The following NCOA2 variants were observed in gnomAD, a reference collection of about 807,000 sequenced individuals.
The protein encoded by NCOA2 is nuclear receptor coactivator 2.
A neutral mutation model predicts 145.1 loss-of-function variants in NCOA2; 21 were observed. That is an observed-to-expected ratio of 0.14 (90% CI 0.10 to 0.21). NCOA2 has a LOEUF of 0.21. Ranked by LOEUF, NCOA2 falls within the 10% of genes least tolerant of loss-of-function variation. The pLI is 1.00. For synonymous variants in NCOA2, 619 were observed against 637.5 expected, an observed-to-expected ratio of 0.97 and a Z score of 0.44; for missense variants, 1,472 against 1,837.6, an observed-to-expected ratio of 0.80 and a Z score of 3.64.
chr8:70,154,373 G>A (rs974218041), intron 11 of NCOA2, among the ~76,000 whole-genome samples: 3 of 152,174 alleles, frequency 2.0e-5, no homozygotes, highest in African/African-American at 7.2e-5. Context: ...AACGTCTCAT[G>A]CCAAGTCACT....
rs1465135873 is a variant in NCOA2 at position 70,403,740 on chromosome 8, G to C, written c.-117C>G. ...ACGCCGTCAGGTGCCGGCTGCCGTC[G>C]GCGCTGACCTTCGCCGCCGAAGCTG... On this transcript the variant is annotated 5_prime_UTR_variant, in exon 1 of 23. Transcript: ENST00000452400. The C allele has an allele frequency of 2.5e-6, 1 of 397,406 alleles. No homozygotes were observed. The highest frequency in any genetic ancestry group is 4.4e-6 in the Non-Finnish European group (1 of 225,300). 24.6% of individuals were successfully genotyped at this position (397,406 alleles called of 1,614,324 possible). A position where few individuals can be genotyped will look rare whatever the true frequency, so the allele number is the denominator to read the frequency against.
intron 1 of NCOA2, among the ~76,000 whole-genome samples, chr8:70,309,992 CA>C (rs149229051): frequency 0.012 from 1,817 of 151,782 alleles, 50 homozygotes; most frequent in African/African-American, 0.042. Context: ...CGAAACCAAA[CA>C]AAAAATAGCT....
chr8:70,387,762 T>C (rs1263685049), intron 1 of NCOA2, among the ~76,000 whole-genome samples: 4 of 152,100 alleles, frequency 2.6e-5, no homozygotes, highest in Admixed American at 2.0e-4. Context: ...TATGTAACTT[T>C]TGAGGTTAAG....
At chr8:70,153,730 T>C (rs1236098239) in intron 11 of NCOA2, among the ~76,000 whole-genome samples, 2 of 152,224 alleles carry the variant, frequency 1.3e-5, no homozygotes, top group Non-Finnish European at 2.9e-5. Flanking sequence ...CAGGTGTTAA[T>C]ATGGTTTTAC....
intron 1 of NCOA2, among the ~76,000 whole-genome samples, chr8:70,391,052 T>A (rs536798202): frequency 6.6e-6 from 1 of 152,180 alleles, no homozygotes; most frequent in East Asian, 1.9e-4. Context: ...AGGTTAGGTA[T>A]AAAGTAAAGA....
chr8:70,116,317 C>T (rs1004942284), intron 22 of NCOA2, among the ~76,000 whole-genome samples: 2 of 151,998 alleles, frequency 1.3e-5, no homozygotes, highest in Admixed American at 6.6e-5. Context: ...TTCGGGAGGC[C>T]GAGGCAGGCG....
chr8:70,280,816 T>G (rs554305653), intron 2 of NCOA2, among the ~76,000 whole-genome samples: 1 of 152,248 alleles, frequency 6.6e-6, no homozygotes, highest in African/African-American at 2.4e-5. Context: ...AAATCCATTC[T>G]ACCCCTTACT....
At chr8:70,346,097 C>T (rs963354356) in intron 1 of NCOA2, among the ~76,000 whole-genome samples, 1 of 152,204 alleles carries the variant, frequency 6.6e-6, no homozygotes, top group African/African-American at 2.4e-5. Flanking sequence ...ACAAACAGTA[C>T]TTGAATTTCT....
At chr8:70,439,750 T>G in the NCOA2 span, among the ~76,000 whole-genome samples, 2 of 152,286 alleles carry the variant, frequency 1.3e-5, no homozygotes, top group South Asian at 2.1e-4. Context: ...CGGAGGAGGC[T>G]TCTGCTGCTC....
the NCOA2 span, among the ~76,000 whole-genome samples, chr8:70,417,380 C>T: frequency 6.6e-6 from 1 of 151,630 alleles, no homozygotes; most frequent in East Asian, 1.9e-4. Flanking sequence ...GAAACCCCAT[C>T]TCTACTAAAA....
intron 1 of NCOA2, among the ~76,000 whole-genome samples, chr8:70,379,889 G>A (rs187492496): frequency 7.9e-5 from 12 of 152,024 alleles, no homozygotes; most frequent in Middle Eastern, 3.4e-3. Context: ...CAAAAATGAC[G>A]CATGGCTGAT....
At chr8:70,219,172 T>C (rs1418409496) in intron 2 of NCOA2, among the ~76,000 whole-genome samples, 2 of 152,200 alleles carry the variant, frequency 1.3e-5, no homozygotes, top group Non-Finnish European at 2.9e-5. Flanking sequence ...AGTCTAAGTA[T>C]AGTAAAATCA....
chr8:70,314,066 G>C (rs1351819123), intron 1 of NCOA2, among the ~76,000 whole-genome samples: 1 of 150,452 alleles, frequency 6.6e-6, no homozygotes, highest in Non-Finnish European at 1.5e-5. Flanking sequence ...TATAGTCCCA[G>C]CTACTCGGGA....
chr8:70,433,823 G>A, the NCOA2 span, among the ~76,000 whole-genome samples: 17 of 152,170 alleles, frequency 1.1e-4, no homozygotes, highest in African/African-American at 1.7e-4. Flanking sequence ...CTTCTTAAAG[G>A]GGGCACCAGG....
intron 1 of NCOA2, among the ~76,000 whole-genome samples, chr8:70,371,867 G>GT (rs1180456485): frequency 6.6e-6 from 1 of 152,142 alleles, no homozygotes; most frequent in African/African-American, 2.4e-5. Context: ...TTTAAAAACT[G>GT]TAAGTTTTTA....
At chr8:70,449,159 A>C in the NCOA2 span, among the ~76,000 whole-genome samples, 1,242 of 152,292 alleles carry the variant, frequency 8.2e-3, 19 homozygotes, top group African/African-American at 0.028. Flanking sequence ...CAACTTATAC[A>C]TTAAGTGTAA....
chr8:70,298,461 G>A (rs1827243532), intron 1 of NCOA2, among the ~76,000 whole-genome samples: 1 of 152,138 alleles, frequency 6.6e-6, no homozygotes, highest in African/African-American at 2.4e-5. Flanking sequence ...TAAATAAAAT[G>A]AATGGATTCC....
chr8:70,133,610 G>T (rs1164469758), intron 15 of NCOA2, among the ~76,000 whole-genome samples: 1 of 152,138 alleles, frequency 6.6e-6, no homozygotes, highest in Non-Finnish European at 1.5e-5. Context: ...AGTCTATTTT[G>T]TACTCTTAGA....
chr8:70,190,129 T>A (rs1816522034), intron 4 of NCOA2, among the ~76,000 whole-genome samples: 1 of 152,214 alleles, frequency 6.6e-6, no homozygotes. Context: ...AATAAAAATG[T>A]GAAGATTAAT....
Sources: allele counts gnomAD v4.1 joint callset (sites outside exome capture counted in the v4.1 genomes callset), GRCh38; gene constraint gnomAD v4.1.1; transcripts MANE v1.5; gene names NCBI Gene and HGNC (gene_info 2026-07-23, HGNC 2026-07-21).